Variants in WEE2 observed in about 807,000 individuals in gnomAD.
WEE2 encodes the protein wee1-like protein kinase 2.
A neutral mutation model predicts 60.1 loss-of-function variants in WEE2; 50 were observed. The ratio of observed to expected loss-of-function variants is 0.83; its 90% confidence interval spans 0.66 to 1.05. WEE2 has a LOEUF of 1.05. Ranked by LOEUF, WEE2 falls within the 50% of genes least tolerant of loss-of-function variation. The probability of loss-of-function intolerance (pLI) is 0.00; values close to 1 mark genes in which losing one functional copy is unlikely to be tolerated. For missense variants in WEE2, 631 were observed against 684.3 expected (o/e 0.92, Z 0.87); for synonymous variants, 240 against 241.0 (o/e 1.00, Z 0.04).
At chr7:141,709,530 T>C (rs1798678934) in intron 1 of WEE2, among the ~76,000 whole-genome samples, 1 of 152,210 alleles carries the variant, frequency 6.6e-6, no homozygotes, top group Non-Finnish European at 1.5e-5. Flanking sequence ...AGTCTATTGT[T>C]CTTTCCATTA....
intron 4 of WEE2, 48 bp from the exon 5 acceptor site, chr7:141,720,887 A>G: frequency 1.3e-6 from 2 of 1,593,776 alleles, no homozygotes; most frequent in South Asian, 1.1e-5. Flanking sequence ...TTTTGTGTGC[A>G]TTATCTTGAT....
rs759084206 is a variant in WEE2, at chr7:141,724,276, G to T, written c.1221+1G>T. 1 of 1,608,908 alleles carries T rather than the reference G, an allele frequency of 6.2e-7. No homozygotes were observed. Among genetic ancestry groups the T allele is most frequent in the Non-Finnish European group, 8.5e-7 (1 of 1,178,360 alleles). ...CCTGGCTAATGAGATTTTGCAAGAG[G>T]TATAGATTAGGGAAATGGAGGGTAT... On this transcript the variant is annotated splice_donor_variant, in intron 8 of 11. Coordinates refer to ENST00000397541, the MANE Select transcript of WEE2 (RefSeq NM_001105558.1). LOFTEE classifies it high-confidence loss of function.
At chr7:141,709,406 T>G (rs1405522778) in intron 1 of WEE2, among the ~76,000 whole-genome samples, 1 of 152,114 alleles carries the variant, frequency 6.6e-6, no homozygotes. Flanking sequence ...ATATTGAGAT[T>G]TAGAGCTCCA....
chr7:141,716,448 C>T (rs1048760383), intron 3 of WEE2, among the ~76,000 whole-genome samples, 181 bp downstream of exon 3: 4 of 149,572 alleles, frequency 2.7e-5, no homozygotes, highest in African/African-American at 9.9e-5. Context: ...CTTCTTCTAC[C>T]CTCTCCTTCT....
At chr7:141,725,233 T>A in intron 9 of WEE2, 37 bp downstream of exon 9, 1 of 1,587,006 alleles carries the variant, frequency 6.3e-7, no homozygotes, top group South Asian at 1.1e-5. Context: ...AGATGCAATA[T>A]CTATTTTTTT....
intron 8 of WEE2, 133 bp downstream of exon 8, chr7:141,724,408 C>A: frequency 1.3e-6 from 1 of 788,198 alleles, no homozygotes. Flanking sequence ...AGAATGGAGA[C>A]CAAAGATAGG....
At chr7:141,715,860 C>T (rs1450775307) in intron 2 of WEE2, among the ~76,000 whole-genome samples, 1 of 152,162 alleles carries the variant, frequency 6.6e-6, no homozygotes, top group East Asian at 1.9e-4. Context: ...GATAAAGATA[C>T]CCATTTAACA....
At chr7:141,709,887 T>C (rs1798685065) in intron 1 of WEE2, among the ~76,000 whole-genome samples, 1 of 152,148 alleles carries the variant, frequency 6.6e-6, no homozygotes, top group African/African-American at 2.4e-5. Context: ...TGCCATGGTG[T>C]GTGAGTCCTA....
chr7:141,711,092 GT>G lies in WEE2; in HGVS notation c.342+1994del, dbSNP rs1798703213. On this transcript the variant is annotated intron_variant, in intron 1 of 11. Transcript: ENST00000397541. This position sits in a 1 kb window ranked among gnomAD's most constrained non-coding sequence, Gnocchi z 4.2. The stretch of plus-strand genomic sequence containing the variant: ...TCTGATGACTGAGGTTTCTTGCTTG[GT>G]TCAGTAGACAGAATCAAGATAGATG... 6.6e-6 allele frequency among the ~76,000 whole-genome samples: 1 copy of G among 152,174 alleles called. No individual in the cohort carries two copies. Among genetic ancestry groups the G allele is most frequent in the South Asian group, 2.1e-4 (1 of 4,826 alleles).
chr7:141,709,581 T>C (rs571991346), intron 1 of WEE2, among the ~76,000 whole-genome samples: 1 of 152,230 alleles, frequency 6.6e-6, no homozygotes, highest in African/African-American at 2.4e-5. Flanking sequence ...TTACTAATAC[T>C]TTCTAATATA....
At position 141,721,073 on chromosome 7, in the gene WEE2, T is replaced by C. The variant is rs765141322; in HGVS notation, c.880+17T>C. 2 of 1,613,370 alleles carry C rather than the reference T, an allele frequency of 1.2e-6. No homozygotes were observed. Among genetic ancestry groups the C allele is most frequent in the South Asian group, 2.2e-5 (2 of 90,814 alleles). ...ACTGCAATGGTAAGTAGTATATAGA[T>C]GAATAACTACGAAGAGGGAGATGAA... On this transcript the variant is annotated intron_variant, in intron 5 of 11. Transcript: ENST00000397541.
chr7:141,723,081 C>T (rs1798946088), intron 5 of WEE2, 53 bp from the exon 6 acceptor site: 1 of 1,602,306 alleles, frequency 6.2e-7, no homozygotes, highest in African/African-American at 1.3e-5. Context: ...ATTTACTATG[C>T]TTTCATCTAT....
chr7:141,723,671 T>C (rs1374933530), intron 6 of WEE2, among the ~76,000 whole-genome samples: 1 of 152,204 alleles, frequency 6.6e-6, no homozygotes, highest in East Asian at 1.9e-4. Flanking sequence ...AAGTTCTTAC[T>C]ATTTTTTTAT....
Position 141,711,288 on chromosome 7 carries a change from GT to G in WEE2, c.342+2189del, listed in dbSNP as rs905328477. On this transcript the variant is annotated intron_variant, in intron 1 of 11. Coordinates refer to ENST00000397541, the MANE Select transcript of WEE2 (RefSeq NM_001105558.1). This position sits in a 1 kb window ranked among gnomAD's most constrained non-coding sequence, Gnocchi z 4.2. Reference sequence around the variant, plus strand: ...GTGGAGATAAGGTCACATAGCCTGAGTGCCAGAGTAAGGAGAGAAGTGGCCC... The same window carrying G: ...GTGGAGATAAGGTCACATAGCCTGAGGCCAGAGTAAGGAGAGAAGTGGCCC... 2.2e-4 allele frequency among the ~76,000 whole-genome samples: 34 copies of G among 152,310 alleles called. No individual in the cohort carries two copies. Among genetic ancestry groups the G allele is most frequent in the African/African-American group, 7.7e-4 (32 of 41,560 alleles).
chr7:141,708,767 C>T lies in WEE2; in HGVS notation c.9C>T (p.Asp3=), dbSNP rs1189496965. Reference sequence around the variant, plus strand: ...AAAGCTCTTTGGCTGAGATGGATGACAAAGATATTGACAAAGAACTAAGGC... The same window carrying T: ...AAAGCTCTTTGGCTGAGATGGATGATAAAGATATTGACAAAGAACTAAGGC... MD[D]KDIDKELRQK... is the part of the protein sequence containing the mutation. The change falls in exon 1 of 12, where the codon GAC becomes GAT. Residue 3 remains aspartate (D), a synonymous_variant. Coordinates refer to ENST00000397541, the MANE Select transcript of WEE2 (RefSeq NM_001105558.1). 1 of 1,612,888 alleles carries T rather than the reference C, an allele frequency of 6.2e-7. No homozygotes were observed.
At chr7:141,729,990 A>T (rs1195797413) in intron 11 of WEE2, among the ~76,000 whole-genome samples, 1 of 122,188 alleles carries the variant, frequency 8.2e-6, no homozygotes, top group East Asian at 3.2e-4. Context: ...TCTGTATCTA[A>T]AAAAAAAAAA....
Position 141,724,232 on chromosome 7 carries a change from A to C in WEE2, c.1178A>C (p.Glu393Ala). The C allele has an allele frequency of 6.2e-7, 1 of 1,613,866 alleles. No individual in the cohort carries two copies. The highest frequency in any genetic ancestry group is 1.1e-5 in the South Asian group (1 of 91,004). Reference protein sequence around the residue: ...HATSINKPKVEEGDSRFLANE... With the variant: ...HATSINKPKVAEGDSRFLANE... ...ACATCAATAAACAAACCCAAAGTGG[A>C]AGAAGGAGATAGTCGCTTCCTGGCT... Residue 393 changes from glutamate (E) to alanine (A), a missense_variant, in exon 8 of 12, where the codon GAA becomes GCA. Physicochemically the swap from Glu to Ala is moderately radical, Grantham distance 107. Transcript: ENST00000397541.
intron 9 of WEE2, among the ~76,000 whole-genome samples, chr7:141,726,395 C>T (rs1002350969): frequency 1.6e-4 from 24 of 152,164 alleles, no homozygotes; most frequent in African/African-American, 5.6e-4. Context: ...ATCCTCCTGC[C>T]TCAGCTTCCT....
chr7:141,729,652 G>C lies in WEE2; in HGVS notation c.1657G>C (p.Ala553Pro). The stretch of plus-strand genomic sequence containing the variant: ...AAAACGCCTGGTGGGAGGAAAGAGT[G>C]CAAGGTCTTCAAGCTTTACCTGTGA... Reference protein sequence around the residue: ...STKRLVGGKSARSSSFTSGER... With the variant: ...STKRLVGGKSPRSSSFTSGER... The change falls in exon 11 of 12, where the codon GCA becomes CCA. Residue 553 changes from alanine to proline, a missense_variant. Transcript: ENST00000397541. 6.2e-7 allele frequency: 1 copy of C among 1,613,470 alleles called. No homozygotes were observed. Among genetic ancestry groups the C allele is most frequent in the South Asian group, 1.1e-5 (1 of 90,846 alleles).
Sources: gnomAD v4.1 joint callset for allele counts (sites outside exome capture counted in the v4.1 genomes callset) on GRCh38, gnomAD v4.1.1 for gene constraint, Gnocchi (gnomAD v3.1) non-coding constraint, MANE v1.5 for transcripts, NCBI Gene and HGNC (gene_info 2026-07-23, HGNC 2026-07-21) for gene names.